Variants in ZFAND3 observed in about 807,000 individuals in gnomAD.
ZFAND3 encodes the protein AN1-type zinc finger protein 3.
Under a neutral mutation model 29.6 loss-of-function variants are expected in ZFAND3, and 10 were observed. That is an observed-to-expected ratio of 0.34 (90% CI 0.21 to 0.57). The LOEUF (loss-of-function observed/expected upper bound fraction) is 0.57, where lower values mean the gene tolerates loss of function less well. Ranked by LOEUF, ZFAND3 falls within the 20% of genes least tolerant of loss-of-function variation. ZFAND3 has a pLI of 0.86. For synonymous variants in ZFAND3, 128 were observed against 112.6 expected, an observed-to-expected ratio of 1.14 and a Z score of -0.87; for missense variants, 230 against 304.5, an observed-to-expected ratio of 0.76 and a Z score of 1.82.
At chr6:38,098,797 C>T (rs755606369) in intron 4 of ZFAND3, among the ~76,000 whole-genome samples, 11 of 152,202 alleles carry the variant, frequency 7.2e-5, no homozygotes, top group East Asian at 5.8e-4. Context: ...CCACCGAGCC[C>T]GGCCTATCTT....
intron 2 of ZFAND3, among the ~76,000 whole-genome samples, chr6:38,044,642 G>A (rs1444015235): frequency 6.6e-6 from 1 of 152,164 alleles, no homozygotes; most frequent in East Asian, 1.9e-4. Context: ...ATTAAAAGAG[G>A]AATTGGGAAT....
intron 1 of ZFAND3, among the ~76,000 whole-genome samples, chr6:37,865,760 T>C (rs1483718419): frequency 6.6e-6 from 1 of 151,984 alleles, no homozygotes; most frequent in African/African-American, 2.4e-5. Flanking sequence ...GGCAAGGGAG[T>C]TGCCATTTGG....
At chr6:37,990,723 T>C (rs1458070906) in intron 2 of ZFAND3, among the ~76,000 whole-genome samples, 1 of 152,264 alleles carries the variant, frequency 6.6e-6, no homozygotes, top group Non-Finnish European at 1.5e-5. Flanking sequence ...TAATTTGGTG[T>C]GTCTTTTGTA....
At chr6:38,021,493 G>C (rs1763348229) in intron 2 of ZFAND3, among the ~76,000 whole-genome samples, 1 of 151,934 alleles carries the variant, frequency 6.6e-6, no homozygotes, top group Non-Finnish European at 1.5e-5. Context: ...ATTTTTCATT[G>C]ACTAGGGAAA....
intron 4 of ZFAND3, among the ~76,000 whole-genome samples, chr6:38,105,406 T>TA (rs869098158): frequency 3.3e-5 from 5 of 152,076 alleles, no homozygotes; most frequent in African/African-American, 9.7e-5. Context: ...CCCAGTCTAT[T>TA]AAAAAAAATT....
At chr6:38,083,944 A>G (rs1318359610) in intron 4 of ZFAND3, among the ~76,000 whole-genome samples, 1 of 152,140 alleles carries the variant, frequency 6.6e-6, no homozygotes, top group East Asian at 1.9e-4. Flanking sequence ...TATATTTTAT[A>G]TACATGGTAA....
intron 2 of ZFAND3, among the ~76,000 whole-genome samples, chr6:38,012,218 A>G (rs1252196672): frequency 6.6e-6 from 1 of 152,092 alleles, no homozygotes; most frequent in African/African-American, 2.4e-5. Flanking sequence ...ACATTTGGTA[A>G]AGTACCAAGT....
intron 4 of ZFAND3, among the ~76,000 whole-genome samples, chr6:38,097,353 C>G (rs1399391395): frequency 6.6e-6 from 1 of 150,890 alleles, no homozygotes; most frequent in Non-Finnish European, 1.5e-5. Context: ...ACCCAAAGTG[C>G]TAGAATTACA....
chr6:37,840,703 C>A (rs1764057617), intron 1 of ZFAND3, among the ~76,000 whole-genome samples: 1 of 152,180 alleles, frequency 6.6e-6, no homozygotes, highest in East Asian at 1.9e-4. Context: ...GTCTTCCTAT[C>A]CTTGAACATG....
intron 4 of ZFAND3, among the ~76,000 whole-genome samples, chr6:38,087,479 A>G (rs1366853676): frequency 6.6e-6 from 1 of 152,238 alleles, no homozygotes; most frequent in Non-Finnish European, 1.5e-5. Context: ...AAGGAGCTCC[A>G]ACAACTAAAT....
chr6:38,117,718 G>A (rs193207231), intron 5 of ZFAND3, among the ~76,000 whole-genome samples: 2 of 152,282 alleles, frequency 1.3e-5, no homozygotes, highest in East Asian at 3.9e-4. Flanking sequence ...TGGGACAGCC[G>A]AAGATATCCT....
chr6:37,992,347 GAA>G (rs1762773365), intron 2 of ZFAND3, among the ~76,000 whole-genome samples: 1 of 152,302 alleles, frequency 6.6e-6, no homozygotes, highest in Non-Finnish European at 1.5e-5. Flanking sequence ...GCAAATAAAT[GAA>G]AAGAGTGGAG....
At chr6:38,108,975 TAAA>T (rs767109055) in intron 4 of ZFAND3, among the ~76,000 whole-genome samples, 10 of 152,140 alleles carry the variant, frequency 6.6e-5, no homozygotes, top group Non-Finnish European at 1.3e-4. Flanking sequence ...ATTTTTAAAA[TAAA>T]AAGTTGGGTA....
chr6:38,110,274 A>C (rs1765289037), intron 4 of ZFAND3, among the ~76,000 whole-genome samples: 1 of 152,184 alleles, frequency 6.6e-6, no homozygotes, highest in African/African-American at 2.4e-5. Context: ...TTAAGAAAGG[A>C]AGGGAAAATT....
rs1357720175 is a variant in ZFAND3, at chr6:38,124,300, T to C, written c.529+7561T>C. ...ACCGCACTGGAGCCGCAGGTGGAGC[T>C]GCCTGCCAGTCCCGCGCCATGCGCC... On this transcript the variant is annotated intron_variant, in intron 5 of 5. Transcript: ENST00000287218. Among the ~76,000 whole-genome samples the C allele has an allele frequency of 3.3e-5, 5 of 152,246 alleles. No individual in the cohort carries two copies. The East Asian group carries it at 9.6e-4, about 29-fold the overall frequency.
chr6:38,037,311 C>T (rs549821811), intron 2 of ZFAND3, among the ~76,000 whole-genome samples: 1 of 152,182 alleles, frequency 6.6e-6, no homozygotes, highest in African/African-American at 2.4e-5. Context: ...TATTGTCTCC[C>T]TGATGTCTGA....
At chr6:37,896,863 T>G (rs970052212) in intron 1 of ZFAND3, among the ~76,000 whole-genome samples, 2 of 152,120 alleles carry the variant, frequency 1.3e-5, no homozygotes, top group African/African-American at 4.8e-5. Flanking sequence ...GACTGAGATT[T>G]TCTTCATTTC....
intron 1 of ZFAND3, among the ~76,000 whole-genome samples, chr6:37,877,210 ATTGTT>A (rs1764810250): frequency 6.6e-6 from 1 of 152,112 alleles, no homozygotes; most frequent in Admixed American, 6.5e-5. Flanking sequence ...TCTTGGGAGC[ATTGTT>A]TTGTTGGTAT....
intron 1 of ZFAND3, among the ~76,000 whole-genome samples, chr6:37,846,418 C>T (rs902160223): frequency 4.6e-5 from 7 of 152,050 alleles, no homozygotes; most frequent in African/African-American, 1.7e-4. Context: ...ATAGCAAGAC[C>T]CTTGTCCCTT....
Sources: gnomAD v4.1 joint callset for allele counts (sites outside exome capture counted in the v4.1 genomes callset) on GRCh38, gnomAD v4.1.1 for gene constraint, MANE v1.5 for transcripts, NCBI Gene and HGNC (gene_info 2026-07-23, HGNC 2026-07-21) for gene names.